Variants in STXBP6 observed in about 807,000 individuals in gnomAD.
The protein encoded by STXBP6 is syntaxin binding protein 6, also known as syntaxin-binding protein 6.
A neutral mutation model predicts 26.9 loss-of-function variants in STXBP6; 21 were observed. The ratio of observed to expected loss-of-function variants is 0.78; its 90% CI spans 0.55 to 1.12. The LOEUF (loss-of-function observed/expected upper bound fraction) is 1.12. Ranked by LOEUF, STXBP6 falls within the 50% of genes most tolerant of loss-of-function variation. STXBP6 has a pLI of 0.00. For synonymous variants in STXBP6, 97 were observed against 92.6 expected (o/e 1.05, Z -0.27); for missense variants, 232 against 257.9 (o/e 0.90, Z 0.69).
intron 1 of STXBP6, among the ~76,000 whole-genome samples, chr14:25,037,940 A>G (rs1327547146): frequency 6.6e-6 from 1 of 152,190 alleles, no homozygotes; most frequent in Non-Finnish European, 1.5e-5. Context: ...ATACCACTTC[A>G]TGTCCTCCTT....
At position 24,974,672 on chromosome 14, in the gene STXBP6, G is replaced by A. The variant is rs1474530653; in HGVS notation, c.147C>T (p.Cys49=). The A allele has an allele frequency of 6.5e-7, 1 of 1,549,770 alleles. No individual in the cohort carries two copies. Among genetic ancestry groups the A allele is most frequent in the South Asian group, 1.2e-5 (1 of 83,552 alleles). ...ATATCTGGTTCTCATTACCTGACAG[G>A]CAGATATAAGTTAAATATTCGCCTT... ...GGQGEYLTYI[C]LSVTNKKPTQ... Residue 49 remains cysteine (C), a synonymous_variant, in exon 2 of 6, where the codon TGC becomes TGT. Coordinates refer to ENST00000323944, the MANE Select transcript of STXBP6 (RefSeq NM_001394410.1).
At chr14:24,847,522 C>A (rs1449232219) in intron 4 of STXBP6, among the ~76,000 whole-genome samples, 1 of 152,036 alleles carries the variant, frequency 6.6e-6, no homozygotes, top group Non-Finnish European at 1.5e-5. Context: ...TTATGTCTCC[C>A]AAAATTTTAA....
chr14:24,832,020 G>T (rs1417838977), intron 4 of STXBP6, among the ~76,000 whole-genome samples: 1 of 152,016 alleles, frequency 6.6e-6, no homozygotes, highest in Non-Finnish European at 1.5e-5. Flanking sequence ...CCTTTTACTT[G>T]AATATTCTCT....
intron 1 of STXBP6, among the ~76,000 whole-genome samples, chr14:25,004,049 T>C (rs2074831353): frequency 6.6e-6 from 1 of 152,228 alleles, no homozygotes; most frequent in African/African-American, 2.4e-5. Context: ...GCCTGGTGCC[T>C]ACCTCAAAGG....
intron 2 of STXBP6, among the ~76,000 whole-genome samples, chr14:24,899,780 CAAA>C (rs58367371): frequency 2.1e-5 from 1 of 46,872 alleles, no homozygotes; most frequent in Admixed American, 3.5e-4. Flanking sequence ...GACTACATTT[CAAA>C]AAAAAAAAAA....
rs904351365 is a variant in STXBP6 at position 24,811,993 on chromosome 14, C to T, written c.*716G>A. On this transcript the variant is annotated 3_prime_UTR_variant, in exon 6 of 6. Coordinates refer to ENST00000323944, the MANE Select transcript of STXBP6 (RefSeq NM_001394410.1). ...AGGGCTTTACTCTCAAATTTTTACCCTTCATATGATAATTCCAAGTAAACA... is the reference window on the plus strand; with the variant it reads ...AGGGCTTTACTCTCAAATTTTTACCTTTCATATGATAATTCCAAGTAAACA... The T allele has an allele frequency of 3.3e-5, 5 of 151,978 alleles. No individual in the cohort carries two copies. Among genetic ancestry groups the T allele is most frequent in the Admixed American group, 6.6e-5 (1 of 15,250 alleles). The allele number at this position is 151,978 out of a possible 1,614,324, so 9.4% of individuals were successfully genotyped here. A position where few individuals can be genotyped will look rare whatever the true frequency, so the allele number is the denominator to read the frequency against.
intron 2 of STXBP6, among the ~76,000 whole-genome samples, chr14:24,922,891 C>T (rs1344791100): frequency 6.6e-6 from 1 of 151,996 alleles, no homozygotes; most frequent in Non-Finnish European, 1.5e-5. Flanking sequence ...AGATTTGAGC[C>T]ATTTTGGATT....
intron 4 of STXBP6, among the ~76,000 whole-genome samples, chr14:24,852,521 C>T (rs17257465): frequency 0.026 from 3,885 of 152,092 alleles, 146 homozygotes; most frequent in East Asian, 0.18. Flanking sequence ...GCCCTGTAGG[C>T]GGCTAGGGCT....
chr14:24,997,516 C>T (rs1001271133), intron 1 of STXBP6, among the ~76,000 whole-genome samples: 2 of 152,190 alleles, frequency 1.3e-5, no homozygotes, highest in Non-Finnish European at 2.9e-5. Flanking sequence ...GTATTTGTTT[C>T]CCTGTGTTTA....
rs373068735 is a variant in STXBP6 at position 24,810,865 on chromosome 14, C to CTCTGTGTGTGTGTGTGTGTG, written c.*1843_*1844insCACACACACACACACACAGA. Reference sequence around the variant, plus strand: ...CCAATTTGGAAAGATAAATACATCTCTGTGTGTGTGTGTGTGTGTGTGTGT... The same window carrying CTCTGTGTGTGTGTGTGTGTG: ...CCAATTTGGAAAGATAAATACATCTCTCTGTGTGTGTGTGTGTGTGTGTGTGTGTGTGTGTGTGTGTGTGT... On this transcript the variant is annotated 3_prime_UTR_variant, in exon 6 of 6. Coordinates refer to ENST00000323944, the MANE Select transcript of STXBP6 (RefSeq NM_001394410.1). 24 of 137,670 alleles carry CTCTGTGTGTGTGTGTGTGTG rather than the reference C, an allele frequency of 1.7e-4. No homozygotes were observed. The East Asian group carries it at 3.7e-3, about 21-fold the overall frequency. The allele number at this position is 137,670 out of a possible 1,614,324, so 8.5% of individuals were successfully genotyped here. A position where few individuals can be genotyped will look rare whatever the true frequency, so the allele number is the denominator to read the frequency against.
intron 2 of STXBP6, among the ~76,000 whole-genome samples, chr14:24,895,442 A>G (rs1353397653): frequency 1.3e-5 from 2 of 152,192 alleles, no homozygotes; most frequent in Non-Finnish European, 2.9e-5. Flanking sequence ...TGTCCAGTGA[A>G]AGGAAGGCGG....
intron 4 of STXBP6, among the ~76,000 whole-genome samples, chr14:24,835,190 T>C (rs184159463): frequency 1.6e-3 from 245 of 152,238 alleles, no homozygotes; most frequent in Middle Eastern, 0.01. Context: ...GATGGTGAAA[T>C]GACAAAGATG....
At chr14:24,906,125 T>C (rs1015700374) in intron 2 of STXBP6, among the ~76,000 whole-genome samples, 1 of 152,198 alleles carries the variant, frequency 6.6e-6, no homozygotes, top group Non-Finnish European at 1.5e-5. Flanking sequence ...TTAGGTTTTT[T>C]AAAAATCATT....
chr14:25,028,007 C>T (rs1427738385), intron 1 of STXBP6, among the ~76,000 whole-genome samples: 3 of 152,272 alleles, frequency 2.0e-5, no homozygotes, highest in African/African-American at 7.2e-5. Context: ...AGAAAAAAAG[C>T]TGGAAGCTAG....
In STXBP6 at chr14:24,812,628, C is replaced by T. The variant is rs370188778; in HGVS notation, c.*81G>A. 66 of 1,381,488 alleles carry T rather than the reference C, an allele frequency of 4.8e-5. No homozygotes were observed. The South Asian group carries it at 6.3e-4, about 13-fold the overall frequency. The allele number at this position is 1,381,488 out of a possible 1,614,324, so 85.6% of individuals were successfully genotyped here. ...CAAATATTGGAAAAAAAGAAGCAAG[C>T]GGAGGTCCCGAATTCTTGTAAAAAC... On this transcript the variant is annotated 3_prime_UTR_variant, in exon 6 of 6. Transcript: ENST00000323944.
chr14:24,812,870 C>A (rs927946871), intron 5 of STXBP6, 138 bp from the exon 6 acceptor site: 1 of 781,542 alleles, frequency 1.3e-6, no homozygotes. Context: ...ATCACCGTTA[C>A]TAATTACAGT....
chr14:24,873,955 C>A (rs1424061287), intron 2 of STXBP6, among the ~76,000 whole-genome samples: 1 of 152,182 alleles, frequency 6.6e-6, no homozygotes, highest in Non-Finnish European at 1.5e-5. Flanking sequence ...CAGATGCCTT[C>A]TTTTGCTGAT....
rs192812429 is a variant in STXBP6, at chr14:25,042,587, C to T, written c.-33+7291G>A. Among the ~76,000 whole-genome samples the T allele has an allele frequency of 9.4e-4, 143 of 152,326 alleles. 1 individual carries two copies. The highest frequency in any genetic ancestry group is 2.5e-3 in the South Asian group (12 of 4,826). ...ATGTTAATTAACTTGCGCAAGGTCA[C>T]GCACACGTTAATGGTAGAGCTATGT... On this transcript the variant is annotated intron_variant, in intron 1 of 5. Transcript: ENST00000323944.
intron 2 of STXBP6, among the ~76,000 whole-genome samples, chr14:24,879,920 T>TG (rs1324161882): frequency 6.6e-6 from 1 of 152,132 alleles, no homozygotes; most frequent in Non-Finnish European, 1.5e-5. Context: ...ACCACCAACA[T>TG]GGGGGCAACC....
Sources: gnomAD v4.1 joint callset for allele counts (sites outside exome capture counted in the v4.1 genomes callset) on GRCh38, gnomAD v4.1.1 for gene constraint, MANE v1.5 for transcripts, NCBI Gene and HGNC (gene_info 2026-07-23, HGNC 2026-07-21) for gene names.